Variants in CDH13 observed in about 807,000 individuals in gnomAD.
The protein encoded by CDH13 is cadherin 13, also known as cadherin-13.
In CDH13, 24 loss-of-function variants were observed where a neutral mutation model predicts 63.8. The observed-to-expected ratio is 0.38, with a 90% CI of 0.27 to 0.53. The LOEUF is 0.53. CDH13 is among the 20% of genes least tolerant of loss of function. CDH13 has a pLI of 0.85. For synonymous variants in CDH13, 503 were observed against 355.3 expected, an observed-to-expected ratio of 1.42 and a Z score of -4.67; for missense variants, 1,049 against 903.1, an observed-to-expected ratio of 1.16 and a Z score of -2.07.
intron 6 of CDH13, among the ~76,000 whole-genome samples, chr16:83,375,248 T>A (rs532743386): frequency 6.6e-6 from 1 of 152,316 alleles, no homozygotes; most frequent in Non-Finnish European, 1.5e-5. Flanking sequence ...TTAGAAATAA[T>A]CATGTTTCTT....
intron 5 of CDH13, among the ~76,000 whole-genome samples, chr16:83,300,311 C>G (rs2089703515): frequency 6.6e-6 from 1 of 152,218 alleles, no homozygotes; most frequent in African/African-American, 2.4e-5. Context: ...AGTTGAGTGA[C>G]ATGAAGAGAT....
At chr16:82,728,445 A>AT (rs35197709) in intron 1 of CDH13, among the ~76,000 whole-genome samples, 32,372 of 151,520 alleles carry the variant, frequency 0.21, 3,799 homozygotes, top group East Asian at 0.49. Flanking sequence ...GAGGCATACA[A>AT]TTTTTTTTTT....
intron 7 of CDH13, among the ~76,000 whole-genome samples, chr16:83,501,994 A>G (rs1205860933): frequency 6.6e-6 from 1 of 152,154 alleles, no homozygotes; most frequent in Non-Finnish European, 1.5e-5. Flanking sequence ...TGAGCTCTGC[A>G]TCTTATTACT....
At chr16:83,093,561 C>A (rs1239059937) in intron 3 of CDH13, among the ~76,000 whole-genome samples, 1 of 151,960 alleles carries the variant, frequency 6.6e-6, no homozygotes, top group Admixed American at 6.6e-5. Context: ...CTCAGGTGAT[C>A]CACCTACCTC....
chr16:82,989,350 A>C (rs1487517569), intron 2 of CDH13, among the ~76,000 whole-genome samples: 2 of 152,154 alleles, frequency 1.3e-5, no homozygotes, highest in African/African-American at 4.8e-5. Context: ...GTAATCACTG[A>C]TTTTGAATCT....
chr16:82,690,967 A>T (rs1284758447), intron 1 of CDH13, among the ~76,000 whole-genome samples: 1 of 152,244 alleles, frequency 6.6e-6, no homozygotes, highest in Non-Finnish European at 1.5e-5. Context: ...AAAGGTTGAG[A>T]GGAAAGCCAG....
intron 1 of CDH13, among the ~76,000 whole-genome samples, chr16:82,810,966 T>C (rs1410826855): frequency 6.6e-6 from 1 of 152,166 alleles, no homozygotes; most frequent in Non-Finnish European, 1.5e-5. Flanking sequence ...TCGTGTGCCC[T>C]GGACCCTTCT....
intron 7 of CDH13, among the ~76,000 whole-genome samples, chr16:83,498,157 C>T (rs796662208): frequency 6.6e-6 from 1 of 152,094 alleles, no homozygotes; most frequent in Non-Finnish European, 1.5e-5. Flanking sequence ...TATGTTAGAG[C>T]CCTGATAGGT....
rs188347915 is a variant in CDH13, at chr16:82,878,449, G to C, written c.157+19976G>C. Among the ~76,000 whole-genome samples, 17 of 146,930 alleles carry C rather than the reference G, an allele frequency of 1.2e-4. 1 individual carries two copies. In the East Asian group the frequency reaches 1.9e-3, roughly 17 times the overall value. ...TCAACTGGGAAAATTTGAAGAGAAA[G>C]TCACACAGATACATTTCAGTAAGGT... On this transcript the variant is annotated intron_variant, in intron 2 of 13. Transcript: ENST00000567109.
At chr16:83,523,862 A>G (rs561660707) in intron 7 of CDH13, among the ~76,000 whole-genome samples, 9 of 152,312 alleles carry the variant, frequency 5.9e-5, no homozygotes, top group Admixed American at 5.9e-4. Flanking sequence ...AGAAGTATCC[A>G]TTGTTCTGGG....
rs1051992474 is a variant in CDH13 at position 83,047,592 on chromosome 16, C to G, written c.366+15374C>G. ...AGAAAAAAAGCTCCCTGTATTTTCC[C>G]AAATTCTGCATAAATAAAATAATAT... On this transcript the variant is annotated intron_variant, in intron 3 of 13. Transcript: ENST00000567109. The surrounding 1 kb of genome is among the most constrained non-coding windows in gnomAD (Gnocchi z 4.9). Among the ~76,000 whole-genome samples the G allele has an allele frequency of 3.3e-5, 5 of 152,142 alleles. No homozygotes were observed. Among genetic ancestry groups the G allele is most frequent in the Admixed American group, 3.3e-4 (5 of 15,286 alleles).
intron 5 of CDH13, among the ~76,000 whole-genome samples, chr16:83,290,768 A>G (rs111387117): frequency 0.014 from 2,089 of 152,116 alleles, 48 homozygotes; most frequent in African/African-American, 0.04. Context: ...CCTCGTTGTG[A>G]CTGTCCACTG....
chr16:83,780,575 G>C (rs796070147), intron 12 of CDH13, among the ~76,000 whole-genome samples: 75 of 152,284 alleles, frequency 4.9e-4, no homozygotes, highest in African/African-American at 1.7e-3. Context: ...ACATTGCATA[G>C]TGGTGAAATC....
At chr16:83,600,392 A>G (rs936821046) in intron 7 of CDH13, among the ~76,000 whole-genome samples, 1 of 152,134 alleles carries the variant, frequency 6.6e-6, no homozygotes, top group Non-Finnish European at 1.5e-5. Context: ...CAGAACCAGG[A>G]CTCCTTAAAA....
At chr16:82,745,829 T>A (rs2151061399) in intron 1 of CDH13, among the ~76,000 whole-genome samples, 1 of 152,308 alleles carries the variant, frequency 6.6e-6, no homozygotes, top group East Asian at 1.9e-4. Context: ...TCCCCTCCAG[T>A]TTGACACTGC....
At chr16:82,905,432 CGTGTGTGT>C (rs140795057) in intron 2 of CDH13, among the ~76,000 whole-genome samples, 1,671 of 143,580 alleles carry the variant, frequency 0.012, 24 homozygotes, top group African/African-American at 0.028. Flanking sequence ...ATGAATCACA[CGTGTGTGT>C]GTGTGTGTGT....
chr16:83,783,136 C>A lies in CDH13; in HGVS notation c.1916-118C>A, dbSNP rs561514679. On this transcript the variant is annotated intron_variant, in intron 12 of 13. Coordinates refer to ENST00000567109, the MANE Select transcript of CDH13 (RefSeq NM_001257.5). ...GTTAATGAATTTAAATGTAAGCATT[C>A]GCACAATTATAAATGAAAATGCAAT... 3 of 696,680 alleles carry A rather than the reference C, an allele frequency of 4.3e-6. No individual in the cohort carries two copies. The South Asian group carries it at 5.2e-5, about 12-fold the overall frequency. The allele number at this position is 696,680 out of a possible 1,614,324, so 43.2% of individuals were successfully genotyped here.
chr16:83,571,754 C>G lies in CDH13; in HGVS notation c.961-30700C>G, dbSNP rs115347119. Among the ~76,000 whole-genome samples, 389 of 152,290 alleles carry G rather than the reference C, an allele frequency of 2.6e-3. 2 individuals are homozygous for G. Among genetic ancestry groups the G allele is most frequent in the African/African-American group, 8.7e-3 (360 of 41,560 alleles). ...TCAATTACTCCCTCTCTTGTATTCC[C>G]AAACTGCATTTTCTTTTCGCTCATA... On this transcript the variant is annotated intron_variant, in intron 7 of 13. Transcript: ENST00000567109.
At chr16:83,668,511 C>T (rs1224964587) in intron 8 of CDH13, among the ~76,000 whole-genome samples, 1 of 152,208 alleles carries the variant, frequency 6.6e-6, no homozygotes, top group African/African-American at 2.4e-5. Context: ...ATGATTGATA[C>T]CTGGTTTTCT....
Sources: allele counts gnomAD v4.1 joint callset (sites outside exome capture counted in the v4.1 genomes callset), GRCh38; gene constraint gnomAD v4.1.1; non-coding constraint Gnocchi (gnomAD v3.1); transcripts MANE v1.5; gene names NCBI Gene and HGNC (gene_info 2026-07-23, HGNC 2026-07-21).